FARP1: variants seen among roughly 807,000 people sequenced by gnomAD.
FARP1 encodes FERM, ARH/RhoGEF and pleckstrin domain protein 1.
A neutral mutation model predicts 128.8 loss-of-function variants in FARP1; 52 were observed. The observed-to-expected ratio is 0.40, with a 90% CI of 0.32 to 0.51. The LOEUF (loss-of-function observed/expected upper bound fraction) is 0.51, where lower values mean the gene tolerates loss of function less well. Ranked by LOEUF, FARP1 falls within the 20% of genes least tolerant of loss-of-function variation. The pLI, the probability that FARP1 is intolerant of heterozygous loss-of-function variation, is 0.45. For synonymous variants in FARP1, 580 were observed against 551.8 expected (o/e 1.05, Z -0.72); for missense variants, 1,333 against 1,367.9 (o/e 0.97, Z 0.40).
intron 9 of FARP1, chr13:98,389,693 A>T (rs1890233333): frequency 2.7e-6 from 1 of 367,818 alleles, no homozygotes; most frequent in Non-Finnish European, 4.9e-6. Flanking sequence ...CTGTCAAAAA[A>T]TGGTGTCACT....
rs1243431537 is a variant in FARP1 at position 98,252,921 on chromosome 13, A to G, written c.171+39508A>G. ...GAAAAATACTTCCAAATTGTTTGAC[A>G]CCAACATTTTTCAACTTGATTTTGG... On this transcript the variant is annotated intron_variant, in intron 2 of 26. Coordinates refer to ENST00000319562, the MANE Select transcript of FARP1 (RefSeq NM_005766.4). 1.3e-5 allele frequency among the ~76,000 whole-genome samples: 2 copies of G among 152,184 alleles called. 1 individual carries two copies. Among genetic ancestry groups the G allele is most frequent in the Admixed American group, 1.3e-4 (2 of 15,276 alleles).
At chr13:98,375,666 T>C (rs1889549123) in intron 5 of FARP1, among the ~76,000 whole-genome samples, 2 of 152,190 alleles carry the variant, frequency 1.3e-5, no homozygotes, top group South Asian at 4.1e-4. Flanking sequence ...TTCGCTCCTG[T>C]CACCCAGGCT....
rs546651318 is a variant in FARP1 at position 98,371,660 on chromosome 13, A to T, written c.398+3465A>T. Among the ~76,000 whole-genome samples, 5 of 152,264 alleles carry T rather than the reference A, an allele frequency of 3.3e-5. No homozygotes were observed. The South Asian group carries it at 1.0e-3, about 32-fold the overall frequency. On this transcript the variant is annotated intron_variant, in intron 5 of 26. Coordinates refer to ENST00000319562, the MANE Select transcript of FARP1 (RefSeq NM_005766.4). ...ACTCTCGCATCTCAAATTCCTGTAG[A>T]AGCAAAAATGGACTGACTATTGAGA...
In FARP1 at chr13:98,176,165, A is replaced by C. The variant is rs772636294; in HGVS notation, c.-24+32673A>C. 26 of 1,608,972 alleles carry C rather than the reference A, an allele frequency of 1.6e-5. No individual in the cohort carries two copies. Among genetic ancestry groups the C allele is most frequent in the Non-Finnish European group, 2.0e-5 (24 of 1,175,856 alleles). Reference sequence around the variant, plus strand: ...GTACATACAGACTTGAGTCTTTCTTATCTCTTTTTTCCTAAAAGAACAAAA... The same window carrying C: ...GTACATACAGACTTGAGTCTTTCTTCTCTCTTTTTTCCTAAAAGAACAAAA... On this transcript the variant is annotated intron_variant, in intron 1 of 26. Transcript: ENST00000319562. The surrounding 1 kb of genome is among the most constrained non-coding windows in gnomAD (Gnocchi z 6.2).
intron 2 of FARP1, among the ~76,000 whole-genome samples, chr13:98,310,308 A>G (rs532806445): frequency 7.2e-5 from 11 of 152,200 alleles, no homozygotes; most frequent in Middle Eastern, 3.4e-3. Context: ...TACCATGGCT[A>G]AACCCCTCCC....
chr13:98,309,813 TG>T (rs1378527188), intron 2 of FARP1, among the ~76,000 whole-genome samples: 2 of 152,178 alleles, frequency 1.3e-5, no homozygotes, highest in African/African-American at 4.8e-5. Flanking sequence ...CTCGAAACGG[TG>T]GGTGAACGCT....
At chr13:98,212,262 G>T (rs769901881) in intron 1 of FARP1, among the ~76,000 whole-genome samples, 1 of 152,150 alleles carries the variant, frequency 6.6e-6, no homozygotes, top group Non-Finnish European at 1.5e-5. Flanking sequence ...CACTATGTTG[G>T]CCAGGCTGGT....
intron 18 of FARP1, 68 bp from the exon 19 acceptor site, chr13:98,435,508 G>T: frequency 6.6e-7 from 1 of 1,523,586 alleles, no homozygotes; most frequent in Non-Finnish European, 8.9e-7. Context: ...GCGTTGAGCT[G>T]ACAGCTGCTA....
At chr13:98,161,139 C>G (rs1876854220) in intron 1 of FARP1, among the ~76,000 whole-genome samples, 1 of 151,754 alleles carries the variant, frequency 6.6e-6, no homozygotes, top group Admixed American at 6.6e-5. Flanking sequence ...TAAGAACGCT[C>G]TATTTTTTTC....
intron 1 of FARP1, among the ~76,000 whole-genome samples, chr13:98,186,879 C>T (rs1878909507): frequency 6.7e-6 from 1 of 149,844 alleles, no homozygotes; most frequent in South Asian, 2.1e-4. Context: ...GTAATCCCAG[C>T]TACTCAGGAG....
chr13:98,259,536 A>G (rs1883771987), intron 2 of FARP1, among the ~76,000 whole-genome samples: 1 of 152,168 alleles, frequency 6.6e-6, no homozygotes, highest in African/African-American at 2.4e-5. Flanking sequence ...GCAGGGGACC[A>G]GTGTTTTGCC....
chr13:98,161,622 G>C (rs1876892684), intron 1 of FARP1, among the ~76,000 whole-genome samples: 1 of 152,114 alleles, frequency 6.6e-6, no homozygotes, highest in Admixed American at 6.6e-5. Flanking sequence ...TGATGGGAAG[G>C]GGGTTCCCAG....
intron 24 of FARP1, chr13:98,445,802 G>A (rs9517309): frequency 1.5e-5 from 4 of 275,082 alleles, no homozygotes; most frequent in African/African-American, 6.7e-5. Flanking sequence ...ACCCTGCAAC[G>A]AGCCTATTTC....
Position 98,176,018 on chromosome 13 carries a change from A to G in FARP1, c.-24+32526A>G, listed in dbSNP as rs1483523832. ...TTTTGCAAATAATTCTGCAGTGAAC[A>G]TGGGAGTGCACATACCTCTTTGAGA... On this transcript the variant is annotated intron_variant, in intron 1 of 26. Coordinates refer to ENST00000319562, the MANE Select transcript of FARP1 (RefSeq NM_005766.4). The surrounding 1 kb of genome is among the most constrained non-coding windows in gnomAD (Gnocchi z 6.2). 13 of 741,622 alleles carry G rather than the reference A, an allele frequency of 1.8e-5. No individual in the cohort carries two copies. Among genetic ancestry groups the G allele is most frequent in the Non-Finnish European group, 2.7e-5 (12 of 438,724 alleles). The allele number at this position is 741,622 out of a possible 1,614,324, so 45.9% of individuals were successfully genotyped here.
chr13:98,148,162 T>C (rs544966909), intron 1 of FARP1, among the ~76,000 whole-genome samples: 1 of 152,308 alleles, frequency 6.6e-6, no homozygotes, highest in Admixed American at 6.5e-5. Context: ...GCGAATCATC[T>C]GAGGTCAGGA....
chr13:98,279,561 T>C (rs1314212944), intron 2 of FARP1, among the ~76,000 whole-genome samples: 1 of 152,200 alleles, frequency 6.6e-6, no homozygotes, highest in African/African-American at 2.4e-5. Context: ...GAATTCTTAA[T>C]TGTATTTAAT....
intron 2 of FARP1, among the ~76,000 whole-genome samples, chr13:98,302,016 T>C (rs1448024533): frequency 6.6e-6 from 1 of 152,172 alleles, no homozygotes; most frequent in South Asian, 2.1e-4. Flanking sequence ...ATACTTGGTG[T>C]AGACACACCT....
chr13:98,438,265 T>C (rs1480025061), intron 19 of FARP1, among the ~76,000 whole-genome samples: 1 of 152,090 alleles, frequency 6.6e-6, no homozygotes, highest in African/African-American at 2.4e-5. Context: ...AAGCAGGGTT[T>C]TCAATCATGG....
chr13:98,151,737 C>G (rs1470453248), intron 1 of FARP1, among the ~76,000 whole-genome samples: 1 of 129,786 alleles, frequency 7.7e-6, no homozygotes, highest in Non-Finnish European at 1.6e-5. Context: ...TCTTGGTTCA[C>G]TGCAACCTCC....
Sources: gnomAD v4.1 joint callset for allele counts (sites outside exome capture counted in the v4.1 genomes callset) on GRCh38, gnomAD v4.1.1 for gene constraint, Gnocchi (gnomAD v3.1) non-coding constraint, MANE v1.5 for transcripts, NCBI Gene and HGNC (gene_info 2026-07-23, HGNC 2026-07-21) for gene names.